NUCKS1: variants seen among roughly 807,000 people sequenced by gnomAD.
NUCKS1 encodes the protein nuclear casein kinase and cyclin dependent kinase substrate 1.
Under a neutral mutation model 33.0 loss-of-function variants are expected in NUCKS1, and 2 were observed. The ratio of observed to expected loss-of-function variants is 0.06; its 90% CI spans 0.02 to 0.19. The LOEUF (loss-of-function observed/expected upper bound fraction) is 0.19, where lower values mean the gene tolerates loss of function less well. Among genes scored for constraint, NUCKS1 ranks in the 10% least tolerant of loss-of-function variants. The pLI is 1.00. For missense variants in NUCKS1, 201 were observed against 293.6 expected (o/e 0.68, Z 2.31); for synonymous variants, 106 against 102.8 (o/e 1.03, Z -0.19).
intron 3 of NUCKS1, among the ~76,000 whole-genome samples, chr1:205,725,080 C>A (rs1001720490): frequency 6.6e-6 from 1 of 152,190 alleles, no homozygotes; most frequent in Non-Finnish European, 1.5e-5. Context: ...TGGGGTTTCA[C>A]CATGTTGCCC....
rs573484721 is a variant in NUCKS1, at chr1:205,739,495, C to T, written c.18-9874G>A. ...AATTTTTTTTTTTCTTTTTTTGAGA[C>T]GGGGTCTCACTCTGCTGCCCAGGCT... is the stretch of plus-strand genomic sequence containing the variant. On this transcript the variant is annotated intron_variant, in intron 1 of 6. Transcript: ENST00000367142. 7.2e-5 allele frequency among the ~76,000 whole-genome samples: 11 copies of T among 151,832 alleles called. No homozygotes were observed. The South Asian group carries it at 2.3e-3, about 32-fold the overall frequency.
chr1:205,749,126 G>C (rs1456147677), intron 1 of NUCKS1, among the ~76,000 whole-genome samples: 1 of 152,182 alleles, frequency 6.6e-6, no homozygotes, highest in African/African-American at 2.4e-5. Flanking sequence ...CGCGTACGCG[G>C]GTGAGAGTGG....
Position 205,719,497 on chromosome 1 carries a change from T to C in NUCKS1, c.532+30A>G, listed in dbSNP as rs1571569144. 1.1e-5 allele frequency: 18 copies of C among 1,570,994 alleles called. No homozygotes were observed. The East Asian group carries it at 4.0e-4, about 35-fold the overall frequency. On this transcript the variant is annotated intron_variant, in intron 6 of 6. Coordinates refer to ENST00000367142, the MANE Select transcript of NUCKS1 (RefSeq NM_022731.5). ...ATGATTCTCAAAATTTTTAAAGCAGTAAATTTAATTTCACTTCTGCAGAAA... is the reference window on the plus strand; with the variant it reads ...ATGATTCTCAAAATTTTTAAAGCAGCAAATTTAATTTCACTTCTGCAGAAA...
rs574237150 is a variant in NUCKS1, at chr1:205,718,523, G to A, written c.533-44C>T. 2.1e-5 allele frequency: 34 copies of A among 1,594,872 alleles called. No homozygotes were observed. The South Asian group carries it at 3.6e-4, about 17-fold the overall frequency. On this transcript the variant is annotated intron_variant, in intron 6 of 6. Coordinates refer to ENST00000367142, the MANE Select transcript of NUCKS1 (RefSeq NM_022731.5). ...TTTGGGGAAGGGAAGAGAAAAAAAT[G>A]TCTTTAATAAAAGTCAGCTACAAAA...
rs1276170619 is a variant in NUCKS1 at position 205,715,270 on chromosome 1, A to G, written c.*3010T>C. ...AACTGGGGCAAACAGGTTATTGTGA[A>G]AACAGTCAATATGTAAGCTCCTTCA... is the stretch of plus-strand genomic sequence containing the variant. On this transcript the variant is annotated 3_prime_UTR_variant, in exon 7 of 7. Coordinates refer to ENST00000367142, the MANE Select transcript of NUCKS1 (RefSeq NM_022731.5). 1 of 152,240 alleles carries G rather than the reference A, an allele frequency of 6.6e-6. No homozygotes were observed. The highest frequency in any genetic ancestry group is 1.5e-5 in the Non-Finnish European group (1 of 68,042). 9.4% of individuals were successfully genotyped at this position (152,240 alleles called of 1,614,324 possible). A position where few individuals can be genotyped will look rare whatever the true frequency, so the allele number is the denominator to read the frequency against.
At chr1:205,725,647 C>T (rs1476150583) in intron 3 of NUCKS1, among the ~76,000 whole-genome samples, 1 of 152,092 alleles carries the variant, frequency 6.6e-6, no homozygotes, top group Admixed American at 6.5e-5. Context: ...TAAGTGAAGG[C>T]TGAACTTTGA....
At position 205,717,136 on chromosome 1, in the gene NUCKS1, C is replaced by T. The variant is rs1671836964; in HGVS notation, c.*1144G>A. On this transcript the variant is annotated 3_prime_UTR_variant, in exon 7 of 7. Coordinates refer to ENST00000367142, the MANE Select transcript of NUCKS1 (RefSeq NM_022731.5). ...CAGGGATGTACTTCTTATCACATTT[C>T]TATGAAGAAATGGGAAGATCGGGAT... 4.7e-6 allele frequency: 1 copy of T among 212,746 alleles called. No individual in the cohort carries two copies. The highest frequency in any genetic ancestry group is 2.4e-5 in the African/African-American group (1 of 42,388). 13.2% of individuals were successfully genotyped at this position (212,746 alleles called of 1,614,324 possible).
chr1:205,734,688 G>T (rs1161663831), intron 1 of NUCKS1, among the ~76,000 whole-genome samples: 2 of 152,184 alleles, frequency 1.3e-5, no homozygotes, highest in Non-Finnish European at 2.9e-5. Context: ...GAAGTCAGGA[G>T]TTCAAGACCA....
intron 1 of NUCKS1, among the ~76,000 whole-genome samples, chr1:205,749,721 G>C (rs1183952439): frequency 6.6e-6 from 1 of 151,644 alleles, no homozygotes; most frequent in Admixed American, 6.6e-5. Flanking sequence ...AGGCAGCTGA[G>C]CAGACCGGAG....
Position 205,750,015 on chromosome 1 carries a change from A to AGGGGGGGGGGGGGGGGGGGGGGGGGGGG in NUCKS1, c.-43_-42insCCCCCCCCCCCCCCCCCCCCCCCCCCCC. Reference sequence around the variant, plus strand: ...GGACCGAGTCGAGAAGCCAAAGACCAGGACCCCCCCCACCCCGCGCGCTCG... The same window carrying AGGGGGGGGGGGGGGGGGGGGGGGGGGGG: ...GGACCGAGTCGAGAAGCCAAAGACCAGGGGGGGGGGGGGGGGGGGGGGGGGGGGGGACCCCCCCCACCCCGCGCGCTCG... On this transcript the variant is annotated 5_prime_UTR_variant, in exon 1 of 7. Transcript: ENST00000367142. 6.6e-7 allele frequency: 1 copy of AGGGGGGGGGGGGGGGGGGGGGGGGGGGG among 1,506,270 alleles called. No individual in the cohort carries two copies. The highest frequency in any genetic ancestry group is 1.8e-5 in the Admixed American group (1 of 55,674). 93.3% of individuals were successfully genotyped at this position (1,506,270 alleles called of 1,614,324 possible). A position where few individuals can be genotyped will look rare whatever the true frequency, so the allele number is the denominator to read the frequency against.
intron 6 of NUCKS1, among the ~76,000 whole-genome samples, chr1:205,719,169 A>G (rs1671879192): frequency 6.6e-6 from 1 of 152,238 alleles, no homozygotes; most frequent in Non-Finnish European, 1.5e-5. Flanking sequence ...CATTTTCACA[A>G]TTAAGTCTTT....
At position 205,750,079 on chromosome 1, in the gene NUCKS1, T is replaced by G; in HGVS notation, c.-106A>C. ...CCCGAACTTCAGCCGATGGGACCGC[T>G]GCTGCCGAACCCCGAGCTGCTGGCT... On this transcript the variant is annotated 5_prime_UTR_variant, in exon 1 of 7. Transcript: ENST00000367142. 1 of 978,268 alleles carries G rather than the reference T, an allele frequency of 1.0e-6. No homozygotes were observed. Among genetic ancestry groups the G allele is most frequent in the Non-Finnish European group, 1.4e-6 (1 of 717,894 alleles). 60.6% of individuals were successfully genotyped at this position (978,268 alleles called of 1,614,324 possible).
chr1:205,714,929 T>A lies in NUCKS1; in HGVS notation c.*3351A>T, dbSNP rs1244442399. ...TTCAAAGCTGCAACAGTGGCCACCA[T>A]GATCTTTTATAAAGCTTTCCCCGTT... On this transcript the variant is annotated 3_prime_UTR_variant, in exon 7 of 7. Transcript: ENST00000367142. 1.3e-5 allele frequency: 2 copies of A among 152,190 alleles called. No individual in the cohort carries two copies. The highest frequency in any genetic ancestry group is 4.8e-5 in the African/African-American group (2 of 41,442). 9.4% of individuals were successfully genotyped at this position (152,190 alleles called of 1,614,324 possible).
chr1:205,730,525 G>A (rs1204843018), intron 1 of NUCKS1, among the ~76,000 whole-genome samples: 1 of 146,140 alleles, frequency 6.8e-6, no homozygotes, highest in Non-Finnish European at 1.5e-5. Context: ...GTCTTGCCCT[G>A]TCGCCCAGGC....
intron 1 of NUCKS1, among the ~76,000 whole-genome samples, chr1:205,746,172 T>C (rs1654318417): frequency 6.6e-6 from 1 of 152,046 alleles, no homozygotes. Context: ...AGTGGGCACC[T>C]GTAATTCCAG....
At chr1:205,728,602 A>AT (rs1027347692) in intron 2 of NUCKS1, among the ~76,000 whole-genome samples, 1 of 152,002 alleles carries the variant, frequency 6.6e-6, no homozygotes, top group Admixed American at 6.6e-5. Context: ...GCTACATATT[A>AT]TTTTTTTTCT....
intron 1 of NUCKS1, among the ~76,000 whole-genome samples, chr1:205,745,195 TCTACA>T (rs1654287500): frequency 6.6e-6 from 1 of 152,226 alleles, no homozygotes; most frequent in African/African-American, 2.4e-5. Flanking sequence ...TGATATTATC[TCTACA>T]CTAACTCCTT....
At position 205,717,395 on chromosome 1, in the gene NUCKS1, G is replaced by GTT. The variant is rs34305872; in HGVS notation, c.*883_*884dup. On this transcript the variant is annotated 3_prime_UTR_variant, in exon 7 of 7. Transcript: ENST00000367142. ...CTGATCTTGTTGATTAAATTCTAGGGTTTTTTTTTTTTTGGATTCTTGGTA... is the reference window on the plus strand; with the variant it reads ...CTGATCTTGTTGATTAAATTCTAGGGTTTTTTTTTTTTTTTGGATTCTTGGTA... 0.036 allele frequency: 30,914 copies of GTT among 856,222 alleles called. 1 individual carries two copies. Among genetic ancestry groups the GTT allele is most frequent in the Non-Finnish European group, 0.041 (29,534 of 718,806 alleles). The allele number at this position is 856,222 out of a possible 1,614,324, so 53.0% of individuals were successfully genotyped here.
At chr1:205,741,297 CAAAAAAAAAA>C (rs56979923) in intron 1 of NUCKS1, among the ~76,000 whole-genome samples, 4 of 78,924 alleles carry the variant, frequency 5.1e-5, no homozygotes, top group Admixed American at 1.6e-4. Flanking sequence ...GAGACTGTCT[CAAAAAAAAAA>C]AAAAAAAAAA....
Sources: gnomAD v4.1 joint callset for allele counts (sites outside exome capture counted in the v4.1 genomes callset) on GRCh38, gnomAD v4.1.1 for gene constraint, MANE v1.5 for transcripts, NCBI Gene and HGNC (gene_info 2026-07-23, HGNC 2026-07-21) for gene names.